PAPPA2: variants seen among roughly 807,000 people sequenced by gnomAD.
PAPPA2 encodes the protein pappalysin 2.
PAPPA2 carries 86 observed loss-of-function variants against 176.4 expected under a neutral mutation model. The ratio of observed to expected loss-of-function variants is 0.49; its 90% CI spans 0.41 to 0.58. PAPPA2 has a LOEUF of 0.58. PAPPA2 is among the 20% of genes least tolerant of loss of function. The pLI, the probability that PAPPA2 is intolerant of heterozygous loss-of-function variation, is 0.00. For synonymous variants in PAPPA2, 809 were observed against 852.2 expected, an observed-to-expected ratio of 0.95 and a Z score of 0.88; for missense variants, 2,073 against 2,256.9, an observed-to-expected ratio of 0.92 and a Z score of 1.65.
intron 21 of PAPPA2, among the ~76,000 whole-genome samples, chr1:176,829,533 C>G (rs1477521752): frequency 6.6e-6 from 1 of 152,178 alleles, no homozygotes; most frequent in Non-Finnish European, 1.5e-5. Flanking sequence ...GCCTCAGCCT[C>G]CCATGAACTG....
At chr1:176,691,279 C>T (rs1178808125) in intron 5 of PAPPA2, 2 of 679,168 alleles carry the variant, frequency 2.9e-6, no homozygotes, top group Non-Finnish European at 3.6e-6. Context: ...CTAGAACTAT[C>T]CAAAAAAGAA....
chr1:176,585,917 ATATC>A (rs1653276768), intron 2 of PAPPA2, among the ~76,000 whole-genome samples: 1 of 152,058 alleles, frequency 6.6e-6, no homozygotes, highest in South Asian at 2.1e-4. Context: ...CTGTCTCTTA[ATATC>A]TATCTCTTAT....
chr1:176,655,307 T>C (rs1657970440), intron 3 of PAPPA2, among the ~76,000 whole-genome samples: 1 of 151,854 alleles, frequency 6.6e-6, no homozygotes, highest in Admixed American at 6.6e-5. Context: ...CAAATGCTTT[T>C]TCTGCATCCA....
chr1:176,743,802 G>A (rs770338596), intron 14 of PAPPA2, among the ~76,000 whole-genome samples: 15 of 152,086 alleles, frequency 9.9e-5, no homozygotes, highest in Admixed American at 8.5e-4. Context: ...TTCTCCTATC[G>A]AATTTTGTTC....
At chr1:176,726,433 G>A (rs2102856337) in intron 12 of PAPPA2, among the ~76,000 whole-genome samples, 1 of 152,290 alleles carries the variant, frequency 6.6e-6, no homozygotes, top group South Asian at 2.1e-4. Context: ...CCTGCTTATT[G>A]TAGTGTTCAA....
At chr1:176,792,635 G>A (rs951410930) in intron 19 of PAPPA2, among the ~76,000 whole-genome samples, 4 of 151,898 alleles carry the variant, frequency 2.6e-5, no homozygotes, top group South Asian at 2.1e-4. Flanking sequence ...TGGGTGCAGC[G>A]CACCAGCATG....
intron 12 of PAPPA2, among the ~76,000 whole-genome samples, chr1:176,734,504 G>C (rs1482497737): frequency 6.6e-6 from 1 of 151,992 alleles, no homozygotes; most frequent in African/African-American, 2.4e-5. Context: ...CCATACAAAG[G>C]TGGGCAGGGG....
intron 2 of PAPPA2, among the ~76,000 whole-genome samples, chr1:176,591,001 A>G (rs1328541668): frequency 6.6e-6 from 1 of 152,058 alleles, no homozygotes; most frequent in Non-Finnish European, 1.5e-5. Context: ...ATAGTATACA[A>G]AAGATTTATT....
chr1:176,473,165 C>G (rs1210006921), intron 1 of PAPPA2, among the ~76,000 whole-genome samples: 1 of 152,186 alleles, frequency 6.6e-6, no homozygotes, highest in African/African-American at 2.4e-5. Context: ...TAAAAATTCT[C>G]TATGCTCCAC....
At chr1:176,669,829 G>A (rs867037) in intron 3 of PAPPA2, among the ~76,000 whole-genome samples, 30 of 151,972 alleles carry the variant, frequency 2.0e-4, no homozygotes, top group Non-Finnish European at 4.0e-4. Flanking sequence ...CAATCAGGAG[G>A]CAGAGCAAGC....
chr1:176,716,114 C>T (rs1408799168), intron 12 of PAPPA2, among the ~76,000 whole-genome samples: 1 of 151,594 alleles, frequency 6.6e-6, no homozygotes, highest in Non-Finnish European at 1.5e-5. Flanking sequence ...GGTTGACTAT[C>T]AAAAATGTTC....
intron 3 of PAPPA2, among the ~76,000 whole-genome samples, chr1:176,660,487 T>C (rs1030367797): frequency 1.3e-5 from 2 of 152,118 alleles, no homozygotes; most frequent in Admixed American, 1.3e-4. Flanking sequence ...TTACATCGTA[T>C]GAATTCTTGC....
intron 19 of PAPPA2, among the ~76,000 whole-genome samples, 172 bp from the exon 20 acceptor site, chr1:176,793,388 G>A (rs1665270678): frequency 1.3e-5 from 2 of 152,256 alleles, no homozygotes; most frequent in South Asian, 4.1e-4. Flanking sequence ...TAGTGTGAAG[G>A]TATTCCTACA....
chr1:176,722,007 A>G (rs1309298463), intron 12 of PAPPA2, among the ~76,000 whole-genome samples: 1 of 152,176 alleles, frequency 6.6e-6, no homozygotes, highest in African/African-American at 2.4e-5. Flanking sequence ...ATTTTGCTCA[A>G]TATAATCAGC....
rs140044353 is a variant in PAPPA2 at position 176,845,528 on chromosome 1, G to GTAA, written c.*3076_*3078dup. 6.6e-6 allele frequency: 1 copy of GTAA among 152,292 alleles called. No homozygotes were observed. The highest frequency in any genetic ancestry group is 2.4e-5 in the African/African-American group (1 of 41,564). The allele number at this position is 152,292 out of a possible 1,614,324, so 9.4% of individuals were successfully genotyped here. A position where few individuals can be genotyped will look rare whatever the true frequency, so the allele number is the denominator to read the frequency against. On this transcript the variant is annotated 3_prime_UTR_variant, in exon 23 of 23. Transcript: ENST00000367662. Reference sequence around the variant, plus strand: ...GTGAAAGGAGCTGATCTACTGTATTGTAATGTAAAACAGCTACAGCCAGTT... The same window carrying GTAA: ...GTGAAAGGAGCTGATCTACTGTATTGTAATAATGTAAAACAGCTACAGCCAGTT...
chr1:176,473,803 G>A (rs896284485), intron 1 of PAPPA2, among the ~76,000 whole-genome samples: 4 of 152,066 alleles, frequency 2.6e-5, no homozygotes, highest in Non-Finnish European at 5.9e-5. Flanking sequence ...ACGTCTTTTC[G>A]TATGCTTATT....
intron 1 of PAPPA2, among the ~76,000 whole-genome samples, chr1:176,517,799 C>T (rs1390093108): frequency 6.6e-6 from 1 of 152,020 alleles, no homozygotes; most frequent in Admixed American, 6.6e-5. Flanking sequence ...ATTTAAAGGT[C>T]GAAGGGTGAC....
At chr1:176,607,668 C>T (rs1654692041) in intron 3 of PAPPA2, among the ~76,000 whole-genome samples, 1 of 152,290 alleles carries the variant, frequency 6.6e-6, no homozygotes, top group African/African-American at 2.4e-5. Context: ...GTACCTCTGT[C>T]CTCCATTTGC....
chr1:176,805,132 C>T (rs537376630), intron 21 of PAPPA2, among the ~76,000 whole-genome samples: 11 of 151,334 alleles, frequency 7.3e-5, no homozygotes, highest in Admixed American at 6.6e-5. Context: ...TTCATAAAGC[C>T]ATATTTATTA....
Sources: gnomAD v4.1 joint callset for allele counts (sites outside exome capture counted in the v4.1 genomes callset) on GRCh38, gnomAD v4.1.1 for gene constraint, MANE v1.5 for transcripts, NCBI Gene and HGNC (gene_info 2026-07-23, HGNC 2026-07-21) for gene names.